The following GASK1A variants were observed in gnomAD, a reference collection of about 807,000 sequenced individuals.
GASK1A encodes golgi associated kinase 1A.
In GASK1A, 40 loss-of-function variants were observed where a neutral mutation model predicts 41.2. That is an observed-to-expected ratio of 0.97 (90% CI 0.75 to 1.27). The LOEUF (loss-of-function observed/expected upper bound fraction) is 1.27. Among genes scored for constraint, GASK1A ranks in the 50% most tolerant of loss-of-function variants. GASK1A has a pLI of 0.00. For missense variants in GASK1A, 678 were observed against 745.1 expected (o/e 0.91, Z 1.05); for synonymous variants, 316 against 307.1 (o/e 1.03, Z -0.30).
intron 1 of GASK1A, among the ~76,000 whole-genome samples, chr3:42,997,415 C>T (rs946951901): frequency 5.2e-5 from 7 of 134,720 alleles, no homozygotes; most frequent in African/African-American, 1.6e-4. Flanking sequence ...TACTTTCACA[C>T]GCATGAGAGA....
chr3:43,008,820 C>T (rs1382505295), intron 1 of GASK1A, among the ~76,000 whole-genome samples: 2 of 152,128 alleles, frequency 1.3e-5, no homozygotes, highest in Admixed American at 6.5e-5. Context: ...GGTATCAGTC[C>T]CTGAAACCTC....
intron 1 of GASK1A, among the ~76,000 whole-genome samples, chr3:42,988,370 C>A (rs886133061): frequency 2.0e-5 from 3 of 152,174 alleles, no homozygotes; most frequent in African/African-American, 7.2e-5. Context: ...CTGGAGGATT[C>A]AAATCCTCCC....
chr3:43,032,022 G>C (rs2089578354), intron 1 of GASK1A, among the ~76,000 whole-genome samples: 1 of 152,154 alleles, frequency 6.6e-6, no homozygotes, highest in Admixed American at 6.5e-5. Context: ...GAAGAGCATG[G>C]GTCTGCAGGC....
chr3:43,010,204 G>A (rs762280079), intron 1 of GASK1A, among the ~76,000 whole-genome samples: 11 of 151,620 alleles, frequency 7.3e-5, no homozygotes, highest in Non-Finnish European at 1.3e-4. Context: ...GTTCCAGGCC[G>A]TTATATATAG....
chr3:43,049,522 A>G (rs17391070), intron 2 of GASK1A, among the ~76,000 whole-genome samples: 25,957 of 152,234 alleles, frequency 0.17, 2,422 homozygotes, highest in Non-Finnish European at 0.22. Context: ...TAATTGGCTT[A>G]TCGCATGAAC....
chr3:42,999,021 A>T (rs1351303307), intron 1 of GASK1A, among the ~76,000 whole-genome samples: 2 of 151,898 alleles, frequency 1.3e-5, no homozygotes. Context: ...ACACGTGTAC[A>T]TATCAGTGTG....
rs758726756 is a variant in GASK1A, at chr3:43,032,520, A to T, written c.257A>T (p.Asn86Ile). ...GFWRSRALPR[N>I]SILVCAEEQG... is the part of the protein sequence containing the mutation. ...TGGAGAAGCCGTGCTTTGCCCAGGA[A>T]CTCCATCTTGGTCTGTGCTGAGGAG... Residue 86 changes from asparagine (N) to isoleucine (I), a missense_variant, in exon 2 of 5, where the codon AAC (asparagine) becomes ATC (isoleucine). Physicochemically the swap from Asn to Ile is moderately radical, Grantham distance 149. Coordinates refer to ENST00000430121, the MANE Select transcript of GASK1A (RefSeq NM_001129908.3). The T allele has an allele frequency of 1.3e-6, 2 of 1,549,510 alleles. No homozygotes were observed. The highest frequency in any genetic ancestry group is 2.4e-5 in the South Asian group (2 of 84,018).
At chr3:43,014,218 A>G (rs2089478765) in intron 1 of GASK1A, among the ~76,000 whole-genome samples, 1 of 151,584 alleles carries the variant, frequency 6.6e-6, no homozygotes, top group Non-Finnish European at 1.5e-5. Flanking sequence ...GACAGGGGGT[A>G]GTCACAGGAA....
intron 2 of GASK1A, among the ~76,000 whole-genome samples, chr3:43,040,363 CTGTT>C (rs2089630198): frequency 6.6e-6 from 1 of 152,124 alleles, no homozygotes; most frequent in South Asian, 2.1e-4. Flanking sequence ...CAGAGTCACA[CTGTT>C]TGAATTACTG....
chr3:43,015,122 T>A (rs1323071307), intron 1 of GASK1A, among the ~76,000 whole-genome samples: 7 of 113,054 alleles, frequency 6.2e-5, no homozygotes, highest in African/African-American at 1.0e-4. Flanking sequence ...ACATCACAGG[T>A]AGGGGCAGTG....
chr3:42,988,297 A>C (rs527588326), intron 1 of GASK1A, among the ~76,000 whole-genome samples: 2 of 152,170 alleles, frequency 1.3e-5, no homozygotes, highest in African/African-American at 2.4e-5. Context: ...ACTTGTGGGC[A>C]GTTTTTGTTT....
chr3:42,985,169 A>T (rs978904949), intron 1 of GASK1A, among the ~76,000 whole-genome samples: 19 of 152,280 alleles, frequency 1.2e-4, no homozygotes, highest in African/African-American at 1.9e-4. Flanking sequence ...AAAAATAATT[A>T]AAAAAATAAC....
At chr3:43,053,444 G>A in intron 2 of GASK1A, 77 bp from the exon 3 acceptor site, 1 of 1,457,304 alleles carries the variant, frequency 6.9e-7, no homozygotes, top group Non-Finnish European at 9.1e-7. Flanking sequence ...GAAACAGCAG[G>A]TCAGGTGGCC....
chr3:43,032,252 T>C lies in GASK1A; in HGVS notation c.4-15T>C. 5 of 1,497,626 alleles carry C rather than the reference T, an allele frequency of 3.3e-6. No individual in the cohort carries two copies. Among genetic ancestry groups the C allele is most frequent in the Non-Finnish European group, 4.5e-6 (5 of 1,115,084 alleles). 92.8% of individuals were successfully genotyped at this position (1,497,626 alleles called of 1,614,324 possible). On this transcript the variant is annotated splice_polypyrimidine_tract_variant and intron_variant, in intron 1 of 4. Transcript: ENST00000430121. ...TTCCCAGATCTCAAGCTTTTCTTTC[T>C]ACCCTGTCTCTCAGGCGTCTTGGCT...
At position 43,032,570 on chromosome 3, in the gene GASK1A, A is replaced by G; in HGVS notation, c.307A>G (p.Arg103Gly). The change falls in exon 2 of 5, where the codon AGA (arginine) becomes GGA (glycine). Residue 103 changes from arginine (R) to glycine (G), a missense_variant. Transcript: ENST00000430121. ...EEQGHRARVD[R>G]SRESPGGDLR... is the part of the protein sequence containing the mutation. ...GCAAGGCCATAGAGCAAGAGTGGACAGAAGCAGGGAGTCCCCAGGAGGGGA... is the reference window on the plus strand; with the variant it reads ...GCAAGGCCATAGAGCAAGAGTGGACGGAAGCAGGGAGTCCCCAGGAGGGGA... 1 of 1,550,962 alleles carries G rather than the reference A, an allele frequency of 6.4e-7. No homozygotes were observed. Among genetic ancestry groups the G allele is most frequent in the Non-Finnish European group, 8.7e-7 (1 of 1,146,344 alleles).
chr3:43,029,741 G>A (rs1265758825), intron 1 of GASK1A, among the ~76,000 whole-genome samples: 2 of 152,192 alleles, frequency 1.3e-5, no homozygotes, highest in African/African-American at 4.8e-5. Flanking sequence ...TAGAGGAACT[G>A]GAGGTAGGAG....
chr3:42,988,605 G>T (rs1296870063), intron 1 of GASK1A, among the ~76,000 whole-genome samples: 1 of 152,250 alleles, frequency 6.6e-6, no homozygotes, highest in African/African-American at 2.4e-5. Flanking sequence ...GAACCTTCAC[G>T]TCTAGGCATG....
At chr3:43,030,518 G>A (rs1202546665) in intron 1 of GASK1A, among the ~76,000 whole-genome samples, 1 of 152,224 alleles carries the variant, frequency 6.6e-6, no homozygotes, top group African/African-American at 2.4e-5. Flanking sequence ...AGTGCAGGAT[G>A]CTGGGCAAGG....
At position 43,053,513 on chromosome 3, in the gene GASK1A, C is replaced by T. The variant is rs975438543; in HGVS notation, c.1291-8C>T. The T allele has an allele frequency of 3.9e-6, 6 of 1,536,614 alleles. No homozygotes were observed. In the African/African-American group the frequency reaches 6.9e-5, roughly 18 times the overall value. On this transcript the variant is annotated splice_region_variant and splice_polypyrimidine_tract_variant and intron_variant, in intron 2 of 4. Coordinates refer to ENST00000430121, the MANE Select transcript of GASK1A (RefSeq NM_001129908.3). Reference sequence around the variant, plus strand: ...CCGCACCCCACCGAAGGCTGGGTGTCTCCACAGGTCCACGACCGCTTGGAT... The same window carrying T: ...CCGCACCCCACCGAAGGCTGGGTGTTTCCACAGGTCCACGACCGCTTGGAT...
Sources: gnomAD v4.1 joint callset for allele counts (sites outside exome capture counted in the v4.1 genomes callset) on GRCh38, gnomAD v4.1.1 for gene constraint, MANE v1.5 for transcripts, NCBI Gene and HGNC (gene_info 2026-07-23, HGNC 2026-07-21) for gene names.